ARHGAP32: variants seen among roughly 807,000 people sequenced by gnomAD.
ARHGAP32 encodes the protein rho GTPase-activating protein 32.
In ARHGAP32, 51 loss-of-function variants were observed where a neutral mutation model predicts 186.5. The ratio of observed to expected loss-of-function variants is 0.27; its 90% CI spans 0.22 to 0.35. The LOEUF (loss-of-function observed/expected upper bound fraction) is 0.35, where lower values mean the gene tolerates loss of function less well. Among genes scored for constraint, ARHGAP32 ranks in the 10% least tolerant of loss-of-function variants. The pLI is 1.00. For missense variants in ARHGAP32, 2,186 were observed against 2,623.5 expected, an observed-to-expected ratio of 0.83 and a Z score of 3.64; for synonymous variants, 950 against 964.3, an observed-to-expected ratio of 0.99 and a Z score of 0.27.
chr11:129,129,678 A>G (rs532452762), intron 2 of ARHGAP32, among the ~76,000 whole-genome samples: 2 of 152,190 alleles, frequency 1.3e-5, no homozygotes, highest in Non-Finnish European at 2.9e-5. Flanking sequence ...CTCCAAAAAT[A>G]TATATATATA....
chr11:129,046,111 T>C (rs1351288981), intron 10 of ARHGAP32, among the ~76,000 whole-genome samples: 2 of 151,972 alleles, frequency 1.3e-5, no homozygotes, highest in African/African-American at 4.8e-5. Flanking sequence ...GCGCCCACCG[T>C]ATACACACTC....
chr11:128,974,425 T>C lies in ARHGAP32; in HGVS notation c.2772A>G (p.Pro924=). 3 of 1,614,156 alleles carry C rather than the reference T, an allele frequency of 1.9e-6. No individual in the cohort carries two copies. Among genetic ancestry groups the C allele is most frequent in the Admixed American group, 3.3e-5 (2 of 60,032 alleles). Residue 924 remains proline (P), a synonymous_variant, in exon 21 of 23, where the codon CCA becomes CCG. Transcript: ENST00000682385. The stretch of plus-strand genomic sequence containing the variant: ...CCCGTGGTGGTAGGGTCACTGAAAT[T>C]GGCTCAGATATGCTCATAGAAGGTG... ...SKSPSMSISE[P]ISVTLPPRVS...
chr11:128,988,131 G>A lies in ARHGAP32; in HGVS notation c.1196-6C>T. The A allele has an allele frequency of 6.2e-7, 1 of 1,605,050 alleles. No homozygotes were observed. Among genetic ancestry groups the A allele is most frequent in the East Asian group, 2.2e-5 (1 of 44,780 alleles). ...GCTTTGAAGAACCTGCGGCACTAAAGAGAATTTGTAAAGAAACAGATGAAA... is the reference window on the plus strand; with the variant it reads ...GCTTTGAAGAACCTGCGGCACTAAAAAGAATTTGTAAAGAAACAGATGAAA... On this transcript the variant is annotated splice_polypyrimidine_tract_variant and splice_region_variant and intron_variant, in intron 12 of 22. Transcript: ENST00000682385.
At chr11:129,211,742 T>TA (rs1210004343) in intron 1 of ARHGAP32, among the ~76,000 whole-genome samples, 4 of 152,242 alleles carry the variant, frequency 2.6e-5, no homozygotes, top group African/African-American at 7.2e-5. Flanking sequence ...TGATTGTGTT[T>TA]AATGATCAGG....
intron 6 of ARHGAP32, among the ~76,000 whole-genome samples, chr11:129,079,679 G>GT (rs1941164240): frequency 6.6e-6 from 1 of 151,954 alleles, no homozygotes; most frequent in Non-Finnish European, 1.5e-5. Context: ...CTATAAAACA[G>GT]TAACAATGAA....
At chr11:129,048,636 T>C (rs1939912663) in intron 10 of ARHGAP32, among the ~76,000 whole-genome samples, 1 of 152,116 alleles carries the variant, frequency 6.6e-6, no homozygotes, top group African/African-American at 2.4e-5. Flanking sequence ...AAGTAATTGA[T>C]GGGCAAAAAC....
At chr11:129,049,096 A>C (rs1040551432) in intron 10 of ARHGAP32, among the ~76,000 whole-genome samples, 1 of 152,164 alleles carries the variant, frequency 6.6e-6, no homozygotes, top group African/African-American at 2.4e-5. Flanking sequence ...CATTCTGAGC[A>C]GAAGCAGCAC....
rs76859239 is a variant in ARHGAP32 at position 129,256,786 on chromosome 11, T to C, written c.-5+22360A>G. 2.3e-4 allele frequency among the ~76,000 whole-genome samples: 35 copies of C among 152,224 alleles called. No individual in the cohort carries two copies. The East Asian group carries it at 6.6e-3, about 29-fold the overall frequency. ...TGCATGTAAAAAGAAGTCCAAACTA[T>C]AGTGGCTTAAGATAGGGCTTTATTT... is the stretch of plus-strand genomic sequence containing the variant. On this transcript the variant is annotated intron_variant, in intron 1 of 6. Transcript: ENST00000525234.
chr11:129,270,004 G>A (rs891343003), intron 1 of ARHGAP32, among the ~76,000 whole-genome samples: 2 of 151,644 alleles, frequency 1.3e-5, no homozygotes, highest in African/African-American at 4.8e-5. Context: ...TCCCGCAATC[G>A]CATGCTTAGG....
At position 129,093,644 on chromosome 11, in the gene ARHGAP32, A is replaced by G; in HGVS notation, c.508T>C (p.Tyr170His). The G allele has an allele frequency of 6.2e-7, 1 of 1,606,242 alleles. No individual in the cohort carries two copies. Among genetic ancestry groups the G allele is most frequent in the Non-Finnish European group, 8.5e-7 (1 of 1,175,946 alleles). The change falls in exon 6 of 23, where the codon TAC becomes CAC. Residue 170 changes from tyrosine to histidine, a missense_variant. Transcript: ENST00000682385. ...KNGCESKELV[Y>H]LVQIACQGKS... Reference sequence around the variant, plus strand: ...ACCTGACAAGCAATCTGCACGAGGTAGACCAGCTCTTTAGATTCACAGCCA... The same window carrying G: ...ACCTGACAAGCAATCTGCACGAGGTGGACCAGCTCTTTAGATTCACAGCCA...
chr11:129,093,436 G>A (rs780999335), intron 6 of ARHGAP32, among the ~76,000 whole-genome samples, 185 bp downstream of exon 6: 12 of 152,000 alleles, frequency 7.9e-5, no homozygotes, highest in Admixed American at 2.6e-4. Flanking sequence ...ACTTATTTCT[G>A]TTTTAAAATA....
In ARHGAP32 at chr11:129,197,443, C is replaced by T. The variant is rs1944407362; in HGVS notation, c.-4-33016G>A. Among the ~76,000 whole-genome samples the T allele has an allele frequency of 2.6e-5, 4 of 152,062 alleles. No homozygotes were observed. In the South Asian group the frequency reaches 6.2e-4, roughly 24 times the overall value. On this transcript the variant is annotated intron_variant, in intron 1 of 6. Transcript: ENST00000525234. ...AATAATTGTTTTTTTCAAAACTGTT[C>T]AATACAGTGCATGGCACATAGCCAA...
At chr11:129,140,347 G>A (rs1943025287) in intron 2 of ARHGAP32, among the ~76,000 whole-genome samples, 1 of 152,222 alleles carries the variant, frequency 6.6e-6, no homozygotes, top group Non-Finnish European at 1.5e-5. Flanking sequence ...ACCCTGAGCA[G>A]AGAACCCAGT....
chr11:129,159,546 T>C (rs1385043438), intron 2 of ARHGAP32, among the ~76,000 whole-genome samples: 1 of 151,406 alleles, frequency 6.6e-6, no homozygotes, highest in Non-Finnish European at 1.5e-5. Flanking sequence ...AACAGACCAA[T>C]AACAAGTTCT....
chr11:129,114,881 A>T (rs1297568224), intron 5 of ARHGAP32, among the ~76,000 whole-genome samples: 1 of 152,140 alleles, frequency 6.6e-6, no homozygotes, highest in African/African-American at 2.4e-5. Context: ...TCTATTCAGC[A>T]AGTCTTCAAA....
chr11:129,211,493 T>C (rs10893995), intron 1 of ARHGAP32, among the ~76,000 whole-genome samples: 29,656 of 152,168 alleles, frequency 0.19, 3,088 homozygotes, highest in Non-Finnish European at 0.23. Context: ...TCTAACACAA[T>C]AGAACAGTTA....
intron 11 of ARHGAP32, among the ~76,000 whole-genome samples, chr11:129,021,163 T>C (rs1938575495): frequency 6.6e-6 from 1 of 151,810 alleles, no homozygotes; most frequent in African/African-American, 2.4e-5. Flanking sequence ...GAGAGAAGAG[T>C]AGACATTTCA....
chr11:129,066,661 T>G, intron 7 of ARHGAP32, 70 bp downstream of exon 7: 1 of 1,468,934 alleles, frequency 6.8e-7, no homozygotes, highest in Non-Finnish European at 9.2e-7. Context: ...TTTTGTTTAG[T>G]ATACAGACAA....
At chr11:129,032,969 G>T (rs7937658) in intron 11 of ARHGAP32, among the ~76,000 whole-genome samples, 2 of 152,140 alleles carry the variant, frequency 1.3e-5, no homozygotes, top group East Asian at 1.9e-4. Context: ...GCTATCCTAA[G>T]TTCTAATACC....
Sources: allele counts gnomAD v4.1 joint callset (sites outside exome capture counted in the v4.1 genomes callset), GRCh38; gene constraint gnomAD v4.1.1; transcripts MANE v1.5; gene names NCBI Gene and HGNC (gene_info 2026-07-23, HGNC 2026-07-21).